TXNDC11: variants seen among roughly 807,000 people sequenced by gnomAD.
The protein encoded by TXNDC11 is thioredoxin domain containing 11, also known as thioredoxin domain-containing protein 11.
In TXNDC11, 68 loss-of-function variants were observed where a neutral mutation model predicts 78.0. The ratio of observed to expected loss-of-function variants is 0.87; its 90% CI spans 0.72 to 1.07. TXNDC11 has a LOEUF of 1.07. Among genes scored for constraint, TXNDC11 ranks in the 50% least tolerant of loss-of-function variants. TXNDC11 has a pLI of 0.00. For missense variants in TXNDC11, 1,389 were observed against 1,221.8 expected (o/e 1.14, Z -2.04); for synonymous variants, 571 against 495.2 (o/e 1.15, Z -2.03).
chr16:11,694,826 C>T (rs2050816983), intron 7 of TXNDC11, among the ~76,000 whole-genome samples: 1 of 151,546 alleles, frequency 6.6e-6, no homozygotes, highest in African/African-American at 2.4e-5. Context: ...ATTCCTTTTA[C>T]CTAACAGGCA....
chr16:11,708,515 G>C (rs1418442799), intron 5 of TXNDC11, among the ~76,000 whole-genome samples: 1 of 152,184 alleles, frequency 6.6e-6, no homozygotes, highest in Non-Finnish European at 1.5e-5. Flanking sequence ...TGAACAATGT[G>C]GAATTCCTTA....
intron 4 of TXNDC11, among the ~76,000 whole-genome samples, chr16:11,726,522 G>A (rs1265559960): frequency 1.4e-5 from 2 of 146,298 alleles, no homozygotes; most frequent in South Asian, 2.2e-4. Flanking sequence ...GGAGGCTGCA[G>A]TGAGCCAAGA....
Position 11,684,232 on chromosome 16 carries a change from G to A in TXNDC11, c.2167C>T (p.Gln723Ter). The A allele has an allele frequency of 6.2e-7, 1 of 1,613,268 alleles. No homozygotes were observed. Among genetic ancestry groups the A allele is most frequent in the African/African-American group, 1.3e-5 (1 of 75,006 alleles). Reference protein sequence around the residue: ...TFTVARIDVSQNDLPWEFMVD... With the variant: ...TFTVARIDVS ...ATAAATTCCCAAGGAAGGTCATTCT[G>A]AGACACGTCAATCCTGGTAAAGGGA... is the stretch of plus-strand genomic sequence containing the variant. Residue 723 changes from glutamine to a stop codon, truncating the protein, a stop_gained, in exon 11 of 12, where the codon CAG becomes TAG. Coordinates refer to ENST00000283033, the MANE Select transcript of TXNDC11 (RefSeq NM_015914.7). LOFTEE classifies it high-confidence loss of function.
chr16:11,679,585 G>A lies in TXNDC11; in HGVS notation c.2487C>T (p.Ser829=). ...RAQVQVESQL[S]SARRDEHRLR... Reference sequence around the variant, plus strand: ...GCCGGTGCTCATCTCTGCGGGCACTGGAGAGCTGGGACTCCACCTGCACTT... The same window carrying A: ...GCCGGTGCTCATCTCTGCGGGCACTAGAGAGCTGGGACTCCACCTGCACTT... Residue 829 remains serine (S), a synonymous_variant, in exon 12 of 12, where the codon TCC becomes TCT. Transcript: ENST00000283033. The surrounding 1 kb of genome is among the most constrained non-coding windows in gnomAD (Gnocchi z 4.6). The A allele has an allele frequency of 1.2e-6, 2 of 1,614,110 alleles. No individual in the cohort carries two copies. Among genetic ancestry groups the A allele is most frequent in the Non-Finnish European group, 1.7e-6 (2 of 1,180,030 alleles).
intron 6 of TXNDC11, among the ~76,000 whole-genome samples, chr16:11,699,997 TCTCA>T (rs1245022197): frequency 6.6e-6 from 1 of 152,148 alleles, no homozygotes; most frequent in East Asian, 1.9e-4. Flanking sequence ...GCCATCAACT[TCTCA>T]CTGTGACTTG....
At position 11,730,690 on chromosome 16, in the gene TXNDC11, G is replaced by A. The variant is rs1215657177; in HGVS notation, c.654C>T (p.Tyr218=). The A allele has an allele frequency of 6.2e-7, 1 of 1,613,728 alleles. No individual in the cohort carries two copies. Among genetic ancestry groups the A allele is most frequent in the African/African-American group, 1.3e-5 (1 of 75,020 alleles). Residue 218 remains tyrosine (Y), a synonymous_variant, in exon 4 of 12, where the codon TAC becomes TAT. Coordinates refer to ENST00000283033, the MANE Select transcript of TXNDC11 (RefSeq NM_015914.7). ...FVRRVMKPLL[Y]IPSQSELLDF... is the part of the protein sequence containing the mutation. ...CTAGTAATTCTGATTGAGATGGGAT[G>A]TAGAGAAGTGGTTTCATCACCCGGC...
At chr16:11,739,383 T>G (rs1251121482) in intron 1 of TXNDC11, among the ~76,000 whole-genome samples, 2 of 152,186 alleles carry the variant, frequency 1.3e-5, no homozygotes, top group East Asian at 1.9e-4. Flanking sequence ...CTGTTGTTGC[T>G]GAGCCAGTAG....
intron 5 of TXNDC11, among the ~76,000 whole-genome samples, chr16:11,702,745 G>A (rs909664566): frequency 6.6e-6 from 1 of 152,114 alleles, no homozygotes; most frequent in Non-Finnish European, 1.5e-5. Context: ...TTATACACAA[G>A]TAGCTAAGAT....
chr16:11,713,815 G>C (rs745341623), intron 5 of TXNDC11, among the ~76,000 whole-genome samples: 1 of 151,946 alleles, frequency 6.6e-6, no homozygotes, highest in African/African-American at 2.4e-5. Context: ...TCTCCCCCAT[G>C]AGTGAGTATA....
At chr16:11,740,771 C>G (rs2052367234) in intron 1 of TXNDC11, among the ~76,000 whole-genome samples, 2 of 152,326 alleles carry the variant, frequency 1.3e-5, no homozygotes, top group East Asian at 1.9e-4. Flanking sequence ...TGAAACATCA[C>G]GAAGGCTGGA....
At chr16:11,726,579 CAAAAAAAAAA>C (rs35512803) in intron 4 of TXNDC11, among the ~76,000 whole-genome samples, 2 of 83,000 alleles carry the variant, frequency 2.4e-5, no homozygotes, top group Non-Finnish European at 4.7e-5. Flanking sequence ...GACTCCACCT[CAAAAAAAAAA>C]AAAAAAAAAA....
At chr16:11,692,571 G>A (rs1482000463) in intron 7 of TXNDC11, among the ~76,000 whole-genome samples, 5 of 152,078 alleles carry the variant, frequency 3.3e-5, no homozygotes, top group African/African-American at 7.2e-5. Flanking sequence ...CGGTAAGAAC[G>A]AATCTTCTAC....
chr16:11,742,504 A>C lies in TXNDC11; in HGVS notation c.227T>G (p.Leu76Arg). 6.9e-7 allele frequency: 1 copy of C among 1,454,286 alleles called. No homozygotes were observed. Among genetic ancestry groups the C allele is most frequent in the Non-Finnish European group, 9.0e-7 (1 of 1,111,558 alleles). The allele number at this position is 1,454,286 out of a possible 1,614,324, so 90.1% of individuals were successfully genotyped here. A position where few individuals can be genotyped will look rare whatever the true frequency, so the allele number is the denominator to read the frequency against. Residue 76 changes from leucine (L) to arginine (R), a missense_variant, in exon 1 of 12, where the codon CTG becomes CGG. Physicochemically the swap from Leu to Arg is moderately radical, Grantham distance 102. Coordinates refer to ENST00000283033, the MANE Select transcript of TXNDC11 (RefSeq NM_015914.7). ...LCGAVALGCA[L>R]LLALKFTCSR... is the part of the protein sequence containing the mutation. ...GCAGGTGAACTTGAGGGCGAGGAGC[A>C]GCGCGCAGCCGAGCGCCACGGCCCC...
Position 11,691,481 on chromosome 16 carries a change from G to C in TXNDC11, c.1709C>G (p.Thr570Arg). The C allele has an allele frequency of 6.2e-7, 1 of 1,614,218 alleles. No individual in the cohort carries two copies. Among genetic ancestry groups the C allele is most frequent in the Non-Finnish European group, 8.5e-7 (1 of 1,180,038 alleles). ...PEVDMTSTNF[T>R]GLSCRTNKTL... ...CTTGTTGGTTCTGCAGCTCAGGCCT[G>C]TGAAGTTTGTGCTAGTCATGTCCAC... Residue 570 changes from threonine (T) to arginine (R), a missense_variant, in exon 8 of 12, where the codon ACA (threonine) becomes AGA (arginine). Thr to Arg is a moderately conservative substitution (Grantham distance 71, BLOSUM62 -1). Coordinates refer to ENST00000283033, the MANE Select transcript of TXNDC11 (RefSeq NM_015914.7).
At chr16:11,698,417 G>A (rs2050918930) in intron 6 of TXNDC11, 92 bp from the exon 7 acceptor site, 5 of 1,172,980 alleles carry the variant, frequency 4.3e-6, no homozygotes, top group African/African-American at 3.1e-5. Flanking sequence ...CCACCACTAA[G>A]GGTGAGAAAA....
intron 7 of TXNDC11, among the ~76,000 whole-genome samples, chr16:11,697,076 T>C (rs1207377690): frequency 3.3e-5 from 5 of 152,196 alleles, no homozygotes; most frequent in Admixed American, 6.5e-5. Flanking sequence ...TCTAAAGAAA[T>C]AGTTTTATTA....
intron 3 of TXNDC11, among the ~76,000 whole-genome samples, chr16:11,731,386 G>C (rs550300392): frequency 3.3e-5 from 5 of 152,244 alleles, no homozygotes; most frequent in Non-Finnish European, 7.4e-5. Flanking sequence ...GTTGTGCCTG[G>C]GGACACATAG....
chr16:11,705,023 T>A (rs1221477331), intron 5 of TXNDC11, among the ~76,000 whole-genome samples: 1 of 151,940 alleles, frequency 6.6e-6, no homozygotes, highest in Non-Finnish European at 1.5e-5. Flanking sequence ...GCCTCCCGAG[T>A]AGCTGGGATT....
intron 10 of TXNDC11, among the ~76,000 whole-genome samples, chr16:11,687,636 G>A (rs903415097): frequency 1.3e-5 from 2 of 152,112 alleles, no homozygotes; most frequent in African/African-American, 2.4e-5. Context: ...ATCTAGTCAG[G>A]GCTAAACATC....
Sources: gnomAD v4.1 joint callset for allele counts (sites outside exome capture counted in the v4.1 genomes callset) on GRCh38, gnomAD v4.1.1 for gene constraint, Gnocchi (gnomAD v3.1) non-coding constraint, MANE v1.5 for transcripts, NCBI Gene and HGNC (gene_info 2026-07-23, HGNC 2026-07-21) for gene names.